GTF2A1L: variants seen among roughly 807,000 people sequenced by gnomAD.
GTF2A1L encodes the protein general transcription factor IIA subunit 1 like, also known as TFIIA-alpha and beta-like factor.
A neutral mutation model predicts 49.7 loss-of-function variants in GTF2A1L; 48 were observed. That is an observed-to-expected ratio of 0.97 (90% CI 0.77 to 1.23). The LOEUF (loss-of-function observed/expected upper bound fraction) is 1.23, where lower values mean the gene tolerates loss of function less well. GTF2A1L is among the 50% of genes most tolerant of loss of function. The pLI is 0.00. For synonymous variants in GTF2A1L, 246 were observed against 193.5 expected, an observed-to-expected ratio of 1.27 and a Z score of -2.25; for missense variants, 736 against 564.8, an observed-to-expected ratio of 1.30 and a Z score of -3.07.
intron 1 of GTF2A1L, among the ~76,000 whole-genome samples, chr2:48,618,866 C>A (rs1349408773): frequency 2.6e-5 from 4 of 152,090 alleles, no homozygotes; most frequent in African/African-American, 9.7e-5. Context: ...ATGTTCAATA[C>A]CTATTTTGAT....
intron 6 of GTF2A1L, among the ~76,000 whole-genome samples, chr2:48,648,642 C>G (rs1677669401): frequency 6.6e-6 from 1 of 151,986 alleles, no homozygotes; most frequent in Non-Finnish European, 1.5e-5. Flanking sequence ...GCCCCTAATA[C>G]CAATCTTGTA....
chr2:48,640,893 T>G (rs1312679612), intron 3 of GTF2A1L, among the ~76,000 whole-genome samples: 2 of 145,984 alleles, frequency 1.4e-5, no homozygotes, highest in Admixed American at 6.9e-5. Context: ...TATGTTCAAG[T>G]ATATAACTTG....
At chr2:48,632,836 G>T (rs1204798760) in intron 3 of GTF2A1L, 6 of 225,054 alleles carry the variant, frequency 2.7e-5, no homozygotes, top group African/African-American at 4.7e-5. Context: ...TAGAGCCAAA[G>T]TAATTGCCAA....
At chr2:48,653,442 C>T (rs1223324916) in intron 6 of GTF2A1L, among the ~76,000 whole-genome samples, 9 of 152,138 alleles carry the variant, frequency 5.9e-5, no homozygotes, top group South Asian at 2.1e-4. Flanking sequence ...CAGTTCCTGG[C>T]GGTCACTCAC....
At chr2:48,631,246 T>G (rs571639963) in intron 3 of GTF2A1L, among the ~76,000 whole-genome samples, 2 of 152,274 alleles carry the variant, frequency 1.3e-5, no homozygotes, top group African/African-American at 4.8e-5. Flanking sequence ...TGTGAGTCTA[T>G]CTGGTCTGGG....
At chr2:48,632,931 C>T in intron 3 of GTF2A1L, 1 of 232,712 alleles carries the variant, frequency 4.3e-6, no homozygotes, top group African/African-American at 2.3e-5. Context: ...AGCAACTATG[C>T]CATCTGGATT....
At chr2:48,620,782 T>A (rs1247050541) in intron 1 of GTF2A1L, 69 bp from the exon 2 acceptor site, 1 of 413,464 alleles carries the variant, frequency 2.4e-6, no homozygotes. Flanking sequence ...ATCTCAAGAA[T>A]AAATAAATAA....
intron 3 of GTF2A1L, among the ~76,000 whole-genome samples, chr2:48,634,461 G>T (rs960922507): frequency 6.6e-6 from 1 of 152,108 alleles, no homozygotes; most frequent in Non-Finnish European, 1.5e-5. Flanking sequence ...TGGTTGCTTT[G>T]TAGTTTCTGT....
chr2:48,656,426 A>G (rs1572750312), intron 6 of GTF2A1L, among the ~76,000 whole-genome samples: 1 of 129,810 alleles, frequency 7.7e-6, no homozygotes, highest in East Asian at 2.2e-4. Flanking sequence ...TAGTTTTGAT[A>G]TGTATTTCCC....
chr2:48,634,269 G>A (rs930397996), intron 3 of GTF2A1L, among the ~76,000 whole-genome samples: 10 of 152,100 alleles, frequency 6.6e-5, no homozygotes, highest in South Asian at 4.2e-4. Context: ...GCATAACCAC[G>A]CCTGGCTAAT....
At chr2:48,672,507 C>T (rs1679226201) in intron 8 of GTF2A1L, among the ~76,000 whole-genome samples, 1 of 152,128 alleles carries the variant, frequency 6.6e-6, no homozygotes, top group Admixed American at 6.6e-5. Flanking sequence ...GTGGGTAGGG[C>T]AGACGTGAAG....
chr2:48,641,474 T>C (rs2104169809), intron 3 of GTF2A1L, among the ~76,000 whole-genome samples: 1 of 152,276 alleles, frequency 6.6e-6, no homozygotes, highest in South Asian at 2.1e-4. Context: ...TTTTCCTTAA[T>C]GCAGTTTGTG....
chr2:48,650,143 C>G (rs1677764562), intron 6 of GTF2A1L, among the ~76,000 whole-genome samples: 1 of 152,128 alleles, frequency 6.6e-6, no homozygotes, highest in Non-Finnish European at 1.5e-5. Context: ...TTGATATGTT[C>G]TCTTTGCATT....
At chr2:48,626,118 T>C (rs780426193) in intron 3 of GTF2A1L, among the ~76,000 whole-genome samples, 2 of 144,324 alleles carry the variant, frequency 1.4e-5, no homozygotes, top group Non-Finnish European at 3.1e-5. Flanking sequence ...AACCATTTAT[T>C]GAAGAAACTA....
chr2:48,671,864 A>G lies in GTF2A1L; in HGVS notation c.1329+184A>G, dbSNP rs542990728. On this transcript the variant is annotated intron_variant, in intron 8 of 8. Coordinates refer to ENST00000403751, the MANE Select transcript of GTF2A1L (RefSeq NM_006872.5). ...TGTGCTATGTGATCTCAGTGATACC[A>G]GAAAAAGTGACAGTCCTTAAGGAAG... Among the ~76,000 whole-genome samples, 66 of 152,366 alleles carry G rather than the reference A, an allele frequency of 4.3e-4. No individual in the cohort carries two copies. In the South Asian group the frequency reaches 4.3e-3, roughly 10 times the overall value.
chr2:48,652,169 T>C (rs1360513783), intron 6 of GTF2A1L, among the ~76,000 whole-genome samples: 7 of 152,164 alleles, frequency 4.6e-5, no homozygotes, highest in African/African-American at 1.7e-4. Context: ...AGGAAAATGG[T>C]ATGAGGCTAC....
In GTF2A1L at chr2:48,656,857, T is replaced by G. The variant is rs536462124; in HGVS notation, c.978+9815T>G. 9.8e-5 allele frequency among the ~76,000 whole-genome samples: 15 copies of G among 152,328 alleles called. No homozygotes were observed. The East Asian group carries it at 2.9e-3, about 29-fold the overall frequency. On this transcript the variant is annotated intron_variant, in intron 6 of 8. Transcript: ENST00000403751. ...TTATCTTTAGCTCTTTGATCCATTTTGAGTTAATTTTCGTAGATGGTATAA... is the reference window on the plus strand; with the variant it reads ...TTATCTTTAGCTCTTTGATCCATTTGGAGTTAATTTTCGTAGATGGTATAA...
intron 3 of GTF2A1L, among the ~76,000 whole-genome samples, chr2:48,641,406 A>C (rs1677190257): frequency 6.6e-6 from 1 of 152,100 alleles, no homozygotes; most frequent in African/African-American, 2.4e-5. Flanking sequence ...TGCTTTTATG[A>C]GTTGTTTGTT....
At chr2:48,627,842 C>T (rs1182655105) in intron 3 of GTF2A1L, among the ~76,000 whole-genome samples, 1 of 143,176 alleles carries the variant, frequency 7.0e-6, no homozygotes, top group Non-Finnish European at 1.6e-5. Context: ...AGCATAGTAT[C>T]CAGTAGTTAG....
Sources: gnomAD v4.1 joint callset for allele counts (sites outside exome capture counted in the v4.1 genomes callset) on GRCh38, gnomAD v4.1.1 for gene constraint, MANE v1.5 for transcripts, NCBI Gene and HGNC (gene_info 2026-07-23, HGNC 2026-07-21) for gene names.